The following TRPC7 variants were observed in gnomAD, a reference collection of about 807,000 sequenced individuals.
TRPC7 encodes short transient receptor potential channel 7.
Under a neutral mutation model 90.1 loss-of-function variants are expected in TRPC7, and 42 were observed. The observed-to-expected ratio is 0.47, with a 90% CI of 0.36 to 0.60. TRPC7 has a LOEUF of 0.60. Among genes scored for constraint, TRPC7 ranks in the 20% least tolerant of loss-of-function variants. TRPC7 has a pLI of 0.00. For missense variants in TRPC7, 955 were observed against 1,112.3 expected, an observed-to-expected ratio of 0.86 and a Z score of 2.01; for synonymous variants, 451 against 436.3, an observed-to-expected ratio of 1.03 and a Z score of -0.42.
chr5:136,325,497 C>T (rs1440135050), intron 2 of TRPC7, among the ~76,000 whole-genome samples: 2 of 152,040 alleles, frequency 1.3e-5, no homozygotes. Flanking sequence ...ATTTTGTATG[C>T]TGATGGGAAT....
chr5:136,258,009 G>A (rs1426879043), intron 5 of TRPC7, among the ~76,000 whole-genome samples: 1 of 152,160 alleles, frequency 6.6e-6, no homozygotes, highest in South Asian at 2.1e-4. Context: ...CCCTTGATTT[G>A]CTGTGGGTCT....
At chr5:136,305,995 G>A (rs937719336) in intron 3 of TRPC7, among the ~76,000 whole-genome samples, 4 of 152,068 alleles carry the variant, frequency 2.6e-5, no homozygotes, top group South Asian at 2.1e-4. Flanking sequence ...TCCAGACACC[G>A]GACCAACTTA....
chr5:136,313,387 C>CTATA (rs1488571116), intron 3 of TRPC7, among the ~76,000 whole-genome samples: 2 of 143,988 alleles, frequency 1.4e-5, no homozygotes. Flanking sequence ...GTCTATCTAT[C>CTATA]TATCTATCTA....
intron 2 of TRPC7, among the ~76,000 whole-genome samples, chr5:136,336,326 G>A (rs139488501): frequency 6.6e-6 from 1 of 152,046 alleles, no homozygotes; most frequent in East Asian, 1.9e-4. Flanking sequence ...CCTAATACCT[G>A]GTACAGTATC....
intron 2 of TRPC7, among the ~76,000 whole-genome samples, chr5:136,347,806 C>T (rs1026751552): frequency 2.9e-4 from 44 of 152,198 alleles, no homozygotes; most frequent in African/African-American, 9.9e-4. Flanking sequence ...CTCTGTTCTG[C>T]TTCCTGTCCC....
chr5:136,331,858 G>A (rs1759510333), intron 2 of TRPC7, among the ~76,000 whole-genome samples: 1 of 152,162 alleles, frequency 6.6e-6, no homozygotes, highest in Non-Finnish European at 1.5e-5. Context: ...TACCCACTCT[G>A]TGCCAAGGCT....
chr5:136,254,824 G>T (rs1441754048), intron 5 of TRPC7, among the ~76,000 whole-genome samples: 1 of 152,156 alleles, frequency 6.6e-6, no homozygotes, highest in Admixed American at 6.5e-5. Context: ...TACTGGAAAG[G>T]ATTTATCGTT....
chr5:136,247,441 A>G lies in TRPC7; in HGVS notation c.1844+30T>C, dbSNP rs1459110920. 1 of 1,576,954 alleles carries G rather than the reference A, an allele frequency of 6.3e-7. No homozygotes were observed. The highest frequency in any genetic ancestry group is 1.4e-5 in the African/African-American group (1 of 73,998). The stretch of plus-strand genomic sequence containing the variant: ...AAGGATTCCCAGGAAGCCCAGGGAG[A>G]ACCTCAGGGGAAAGCTCTCAGATAC... On this transcript the variant is annotated intron_variant, in intron 7 of 11. Coordinates refer to ENST00000513104, the MANE Select transcript of TRPC7 (RefSeq NM_020389.3). The surrounding 1 kb of genome is among the most constrained non-coding windows in gnomAD (Gnocchi z 4.2).
At chr5:136,325,124 A>G (rs1424868026) in intron 2 of TRPC7, among the ~76,000 whole-genome samples, 2 of 152,230 alleles carry the variant, frequency 1.3e-5, no homozygotes, top group African/African-American at 4.8e-5. Flanking sequence ...AAACATTTTA[A>G]TTGTTCATTA....
chr5:136,220,249 G>A (rs1201696190), intron 10 of TRPC7, among the ~76,000 whole-genome samples: 1 of 152,142 alleles, frequency 6.6e-6, no homozygotes, highest in Non-Finnish European at 1.5e-5. Flanking sequence ...ACAACCATAA[G>A]GTCTGACTAC....
At chr5:136,225,980 T>C in intron 9 of TRPC7, 54 bp downstream of exon 9, 1 of 1,472,282 alleles carries the variant, frequency 6.8e-7, no homozygotes. Context: ...CACTCTAGAC[T>C]CGCCTGCCCC....
Position 136,231,627 on chromosome 5 carries a change from C to T in TRPC7, c.1845-78G>A, listed in dbSNP as rs374512145. On this transcript the variant is annotated intron_variant, in intron 7 of 11. Transcript: ENST00000513104. ...ATTTATTCATTCATTTATCTTGAGA[C>T]AGGGTCTCACTCTGTTGCCTAGGCT... 2.9e-4 allele frequency: 395 copies of T among 1,353,636 alleles called. 1 individual carries two copies. In the African/African-American group the frequency reaches 5.4e-3, roughly 18 times the overall value. 83.9% of individuals were successfully genotyped at this position (1,353,636 alleles called of 1,614,324 possible). A position where few individuals can be genotyped will look rare whatever the true frequency, so the allele number is the denominator to read the frequency against.
At chr5:136,302,544 C>G (rs1178542119) in intron 3 of TRPC7, among the ~76,000 whole-genome samples, 2 of 152,068 alleles carry the variant, frequency 1.3e-5, no homozygotes, top group African/African-American at 4.8e-5. Context: ...CTGGGCTGGC[C>G]TCCTTCACTA....
At chr5:136,294,593 C>G (rs1443974627) in intron 3 of TRPC7, among the ~76,000 whole-genome samples, 1 of 151,986 alleles carries the variant, frequency 6.6e-6, no homozygotes, top group Admixed American at 6.6e-5. Flanking sequence ...CAATGAGATA[C>G]CATCTCACAC....
At chr5:136,354,402 G>A (rs1760296414) in intron 2 of TRPC7, among the ~76,000 whole-genome samples, 4 of 152,148 alleles carry the variant, frequency 2.6e-5, no homozygotes, top group South Asian at 4.1e-4. Context: ...CTCAGATGGG[G>A]GACAGATGAC....
intron 3 of TRPC7, among the ~76,000 whole-genome samples, chr5:136,299,684 T>C (rs1022123782): frequency 2.0e-5 from 3 of 152,176 alleles, no homozygotes; most frequent in Non-Finnish European, 4.4e-5. Flanking sequence ...AATAATGAGA[T>C]AGAAATGTGT....
At chr5:136,214,927 T>C (rs1755215427) in intron 11 of TRPC7, among the ~76,000 whole-genome samples, 1 of 152,126 alleles carries the variant, frequency 6.6e-6, no homozygotes, top group African/African-American at 2.4e-5. Context: ...CATCTAAGAG[T>C]AACTGCTTAA....
At chr5:136,230,410 T>C (rs1755778480) in intron 8 of TRPC7, among the ~76,000 whole-genome samples, 2 of 152,180 alleles carry the variant, frequency 1.3e-5, no homozygotes, top group Admixed American at 6.5e-5. Context: ...CATTTGCTTA[T>C]ACAATCACAA....
At chr5:136,271,841 T>C (rs1757221778) in intron 4 of TRPC7, among the ~76,000 whole-genome samples, 1 of 152,216 alleles carries the variant, frequency 6.6e-6, no homozygotes, top group South Asian at 2.1e-4. Context: ...TTTCACCTTG[T>C]AATTTCCTTA....
Sources: gnomAD v4.1 joint callset for allele counts (sites outside exome capture counted in the v4.1 genomes callset) on GRCh38, gnomAD v4.1.1 for gene constraint, Gnocchi (gnomAD v3.1) non-coding constraint, MANE v1.5 for transcripts, NCBI Gene and HGNC (gene_info 2026-07-23, HGNC 2026-07-21) for gene names.